The following FAM114A2 variants were observed in gnomAD, a reference collection of about 807,000 sequenced individuals.
FAM114A2 encodes family with sequence similarity 114 member A2.
A neutral mutation model predicts 58.4 loss-of-function variants in FAM114A2; 53 were observed. That is an observed-to-expected ratio of 0.91 (90% confidence interval 0.73 to 1.14). The LOEUF is 1.14. FAM114A2 is among the 50% of genes most tolerant of loss of function. The pLI, the probability that FAM114A2 is intolerant of heterozygous loss-of-function variation, is 0.00. For missense variants in FAM114A2, 601 were observed against 581.1 expected (o/e 1.03, Z -0.35); for synonymous variants, 228 against 211.4 (o/e 1.08, Z -0.68).
At position 154,025,198 on chromosome 5, in the gene FAM114A2, G is replaced by A. The variant is rs569451387; in HGVS notation, c.913+1201C>T. 2.6e-5 allele frequency among the ~76,000 whole-genome samples: 4 copies of A among 152,096 alleles called. No homozygotes were observed. In the South Asian group the frequency reaches 8.3e-4, roughly 32 times the overall value. ...ATCATACTTCAGTAGGCATCACACA[G>A]AATATTTGTAAGATGCATACTTAAA... On this transcript the variant is annotated intron_variant, in intron 8 of 13. Transcript: ENST00000351797.
chr5:154,006,464 A>C (rs991120947), intron 9 of FAM114A2, among the ~76,000 whole-genome samples: 1 of 152,208 alleles, frequency 6.6e-6, no homozygotes, highest in Non-Finnish European at 1.5e-5. Flanking sequence ...TTAGGCAAAG[A>C]GAGTTGTAAG....
chr5:154,004,756 G>C (rs1310893099), intron 9 of FAM114A2, among the ~76,000 whole-genome samples: 2 of 151,794 alleles, frequency 1.3e-5, no homozygotes, highest in African/African-American at 4.8e-5. Flanking sequence ...ACCACTACTT[G>C]AGTTCAGATC....
In FAM114A2 at chr5:154,034,638, T is replaced by C. The variant is rs1004506604; in HGVS notation, c.210+106A>G. On this transcript the variant is annotated intron_variant, in intron 2 of 13. Coordinates refer to ENST00000351797, the MANE Select transcript of FAM114A2 (RefSeq NM_018691.4). Reference sequence around the variant, plus strand: ...TTTTAGGGTTGTAAAGAGAAAGAAATAAGAGCAATTCTAAATTGGTATTTA... The same window carrying C: ...TTTTAGGGTTGTAAAGAGAAAGAAACAAGAGCAATTCTAAATTGGTATTTA... The C allele has an allele frequency of 6.1e-6, 5 of 821,282 alleles. No individual in the cohort carries two copies. In the African/African-American group the frequency reaches 8.6e-5, roughly 14 times the overall value. 50.9% of individuals were successfully genotyped at this position (821,282 alleles called of 1,614,324 possible). A position where few individuals can be genotyped will look rare whatever the true frequency, so the allele number is the denominator to read the frequency against.
chr5:154,013,908 T>G (rs2113341617), intron 8 of FAM114A2, among the ~76,000 whole-genome samples: 1 of 152,350 alleles, frequency 6.6e-6, no homozygotes, highest in Admixed American at 6.5e-5. Context: ...TGCCACATAT[T>G]AAATATAGTA....
chr5:154,002,472 A>G, intron 10 of FAM114A2, 82 bp from the exon 11 acceptor site: 2 of 1,427,712 alleles, frequency 1.4e-6, no homozygotes, highest in Non-Finnish European at 2.0e-6. Flanking sequence ...ATACTACAGG[A>G]TTTGTAGCAG....
At chr5:154,005,471 G>C (rs1770289915) in intron 9 of FAM114A2, among the ~76,000 whole-genome samples, 1 of 152,098 alleles carries the variant, frequency 6.6e-6, no homozygotes, top group Admixed American at 6.5e-5. Context: ...AAGAGTTACC[G>C]AAATGGAAAA....
intron 4 of FAM114A2, 46 bp from the exon 5 acceptor site, chr5:154,029,626 A>C (rs1212504266): frequency 5.6e-6 from 6 of 1,072,754 alleles, no homozygotes; most frequent in African/African-American, 1.6e-5. Context: ...AGGTCCCTTA[A>C]CTCTCAGGCT....
chr5:154,028,321 G>A, intron 5 of FAM114A2, 38 bp from the exon 6 acceptor site: 3 of 1,418,778 alleles, frequency 2.1e-6, no homozygotes, highest in East Asian at 2.3e-5. Context: ...ACAATATTAA[G>A]AAAACATATT....
At chr5:154,028,103 A>C in intron 6 of FAM114A2, 46 bp downstream of exon 6, 1 of 1,511,524 alleles carries the variant, frequency 6.6e-7, no homozygotes, top group South Asian at 1.3e-5. Flanking sequence ...GCAAAAATAC[A>C]GATCAAAACA....
At chr5:154,005,595 A>C (rs952391659) in intron 9 of FAM114A2, among the ~76,000 whole-genome samples, 3 of 152,204 alleles carry the variant, frequency 2.0e-5, no homozygotes, top group Non-Finnish European at 2.9e-5. Flanking sequence ...ATAGGGATAG[A>C]GATAGGTTCC....
At chr5:154,031,316 A>C (rs1772180460) in intron 4 of FAM114A2, among the ~76,000 whole-genome samples, 1 of 150,030 alleles carries the variant, frequency 6.7e-6, no homozygotes, top group Non-Finnish European at 1.5e-5. Flanking sequence ...CCTCTCCAAA[A>C]AAAAAAAAAA....
intron 7 of FAM114A2, 103 bp from the exon 8 acceptor site, chr5:154,026,625 A>C: frequency 1.4e-6 from 1 of 737,166 alleles, no homozygotes; most frequent in South Asian, 3.6e-5. Flanking sequence ...AGTCAAAATT[A>C]TGAGCTCATC....
At chr5:154,022,850 A>G (rs1169581380) in intron 8 of FAM114A2, among the ~76,000 whole-genome samples, 1 of 152,194 alleles carries the variant, frequency 6.6e-6, no homozygotes, top group Non-Finnish European at 1.5e-5. Flanking sequence ...TGTTTATTGT[A>G]GCACTATTCA....
At chr5:154,004,953 CA>C (rs893449872) in intron 9 of FAM114A2, among the ~76,000 whole-genome samples, 1 of 152,072 alleles carries the variant, frequency 6.6e-6, no homozygotes, top group African/African-American at 2.4e-5. Flanking sequence ...CCTACTTTTC[CA>C]GCCTCATCTC....
chr5:154,021,496 A>G (rs1289575309), intron 8 of FAM114A2, among the ~76,000 whole-genome samples: 1 of 152,218 alleles, frequency 6.6e-6, no homozygotes, highest in East Asian at 1.9e-4. Context: ...ATTCTTATAT[A>G]CCAATAACAG....
Position 154,002,958 on chromosome 5 carries a change from G to A in FAM114A2, c.1005C>T (p.Thr335=), listed in dbSNP as rs34136150. Residue 335 remains threonine, a synonymous_variant, in exon 10 of 14, where the codon ACC becomes ACT. Coordinates refer to ENST00000351797, the MANE Select transcript of FAM114A2 (RefSeq NM_018691.4). ...KPEKLARARN[T]AHEWIRKSLT... ...GAGACTTCCTGATCCATTCGTGGGC[G>A]GTATTTCTTGCCTAAATAAGAAAAA... is the stretch of plus-strand genomic sequence containing the variant. 0.11 allele frequency: 181,422 copies of A among 1,611,636 alleles called. 11,145 individuals are homozygous for A. Among genetic ancestry groups the A allele is most frequent in the African/African-American group, 0.15 (11,559 of 74,854 alleles).
At chr5:154,018,897 G>A (rs1771221462) in intron 8 of FAM114A2, among the ~76,000 whole-genome samples, 1 of 151,962 alleles carries the variant, frequency 6.6e-6, no homozygotes, top group Non-Finnish European at 1.5e-5. Flanking sequence ...AGCATACAAG[G>A]GACATATACC....
At chr5:153,997,490 A>T (rs892627626) in intron 12 of FAM114A2, among the ~76,000 whole-genome samples, 5 of 152,188 alleles carry the variant, frequency 3.3e-5, no homozygotes, top group Non-Finnish European at 5.9e-5. Context: ...ACCAAACACA[A>T]AATACCACAT....
At chr5:153,999,954 T>C (rs539961264) in intron 11 of FAM114A2, among the ~76,000 whole-genome samples, 2 of 151,938 alleles carry the variant, frequency 1.3e-5, no homozygotes, top group South Asian at 2.1e-4. Flanking sequence ...TGTGTGTGTA[T>C]ATATATGTGT....
Sources: allele counts gnomAD v4.1 joint callset (sites outside exome capture counted in the v4.1 genomes callset), GRCh38; gene constraint gnomAD v4.1.1; transcripts MANE v1.5; gene names NCBI Gene and HGNC (gene_info 2026-07-23, HGNC 2026-07-21).